The following UBASH3B variants were observed in gnomAD, a reference collection of about 807,000 sequenced individuals.
The protein encoded by UBASH3B is ubiquitin associated and SH3 domain containing B, also known as ubiquitin-associated and SH3 domain-containing protein B.
A neutral mutation model predicts 83.4 loss-of-function variants in UBASH3B; 37 were observed. The observed-to-expected ratio is 0.44, with a 90% CI of 0.34 to 0.58. The LOEUF (loss-of-function observed/expected upper bound fraction) is 0.58, where lower values mean the gene tolerates loss of function less well. UBASH3B is among the 20% of genes least tolerant of loss of function. The pLI, the probability that UBASH3B is intolerant of heterozygous loss-of-function variation, is 0.01. For synonymous variants in UBASH3B, 304 were observed against 318.3 expected (o/e 0.96, Z 0.48); for missense variants, 657 against 827.2 (o/e 0.79, Z 2.52).
chr11:122,777,151 TG>T lies in UBASH3B; in HGVS notation c.344del (p.Cys115SerfsTer63). 6.2e-7 allele frequency: 1 copy of T among 1,614,088 alleles called. No individual in the cohort carries two copies. Among genetic ancestry groups the T allele is most frequent in the South Asian group, 1.1e-5 (1 of 91,064 alleles). Reference protein sequence around the residue: ...SDFWQQSKQICGKNKAHNIFP... With the variant: ...SDFWQQSKQIXGKNKAHNIFP... ...CTTTTGGCAGCAGTCGAAGCAGATC[TG>T]CGGGAAGAACAAGGCACACAACATC... is the stretch of plus-strand genomic sequence containing the variant. On this transcript the variant is annotated frameshift_variant, in exon 3 of 14. Transcript: ENST00000284273. LOFTEE classifies it high-confidence loss of function.
intron 1 of UBASH3B, among the ~76,000 whole-genome samples, chr11:122,736,765 G>A (rs980163858): frequency 6.6e-6 from 1 of 152,016 alleles, no homozygotes; most frequent in Non-Finnish European, 1.5e-5. Flanking sequence ...TTAAGGATCG[G>A]GAAGCCAGGC....
intron 1 of UBASH3B, among the ~76,000 whole-genome samples, chr11:122,662,022 C>T (rs1023413249): frequency 5.3e-5 from 8 of 151,698 alleles, no homozygotes; most frequent in Non-Finnish European, 1.0e-4. Flanking sequence ...ATTCTCCTGC[C>T]TTAGCCTCCC....
At chr11:122,752,031 TAAAC>T (rs1440846689) in intron 1 of UBASH3B, among the ~76,000 whole-genome samples, 3 of 152,312 alleles carry the variant, frequency 2.0e-5, no homozygotes, top group African/African-American at 2.4e-5. Context: ...TTTAACTTAA[TAAAC>T]AAAAGGTATT....
Position 122,759,302 on chromosome 11 carries a change from C to T in UBASH3B, c.162-16917C>T, listed in dbSNP as rs1233803365. Among the ~76,000 whole-genome samples, 1 of 152,200 alleles carries T rather than the reference C, an allele frequency of 6.6e-6. No individual in the cohort carries two copies. Among genetic ancestry groups the T allele is most frequent in the Non-Finnish European group, 1.5e-5 (1 of 68,042 alleles). On this transcript the variant is annotated intron_variant, in intron 1 of 13. Transcript: ENST00000284273. The surrounding 1 kb of genome is among the most constrained non-coding windows in gnomAD (Gnocchi z 4.1). ...GGCAGTCCACAACATGCTGCTTCTC[C>T]TTGGCCAGCAGGAAAGCGAGTCATT...
At chr11:122,721,604 A>T (rs1479458211) in intron 1 of UBASH3B, among the ~76,000 whole-genome samples, 1 of 152,216 alleles carries the variant, frequency 6.6e-6, no homozygotes, top group African/African-American at 2.4e-5. Flanking sequence ...CTTAATCCAG[A>T]CTGCCTGTTC....
chr11:122,669,465 T>A (rs1350213417), intron 1 of UBASH3B, among the ~76,000 whole-genome samples: 1 of 152,172 alleles, frequency 6.6e-6, no homozygotes, highest in Non-Finnish European at 1.5e-5. Context: ...CTGAATCACA[T>A]CTGTAAAGTC....
chr11:122,705,439 C>A lies in UBASH3B; in HGVS notation c.161+49229C>A, dbSNP rs547386486. The stretch of plus-strand genomic sequence containing the variant: ...CCAGCCTGGGCGACAGAGCCAGACT[C>A]TGTCTCGAAAAACATAAAAAAAAAA... On this transcript the variant is annotated intron_variant, in intron 1 of 13. Transcript: ENST00000284273. Among the ~76,000 whole-genome samples the A allele has an allele frequency of 2.7e-5, 4 of 146,826 alleles. No homozygotes were observed. The South Asian group carries it at 8.6e-4, about 32-fold the overall frequency.
intron 1 of UBASH3B, among the ~76,000 whole-genome samples, chr11:122,715,701 G>A (rs939649077): frequency 2.6e-5 from 4 of 152,084 alleles, no homozygotes; most frequent in Non-Finnish European, 4.4e-5. Context: ...TCAAAACAGG[G>A]GATAATTAAA....
intron 1 of UBASH3B, among the ~76,000 whole-genome samples, chr11:122,671,442 G>A (rs1863592004): frequency 6.6e-6 from 1 of 150,718 alleles, no homozygotes. Flanking sequence ...ATACCCTCCT[G>A]GGACGTCAGG....
At chr11:122,734,800 A>T (rs189627337) in intron 1 of UBASH3B, among the ~76,000 whole-genome samples, 157 of 143,332 alleles carry the variant, frequency 1.1e-3, no homozygotes, top group Non-Finnish European at 1.7e-3. Flanking sequence ...GCTGTATCTT[A>T]AAAAAAAAAA....
intron 1 of UBASH3B, among the ~76,000 whole-genome samples, chr11:122,679,587 C>G (rs1328938063): frequency 1.3e-5 from 2 of 152,180 alleles, no homozygotes; most frequent in Admixed American, 1.3e-4. Context: ...ACACCTTGAT[C>G]TCTAGCAAGG....
At chr11:122,782,784 C>T in intron 4 of UBASH3B, 1 of 365,144 alleles carries the variant, frequency 2.7e-6, no homozygotes, top group South Asian at 5.1e-5. Context: ...GTGAGAAGGA[C>T]TTAACTAAAA....
chr11:122,694,954 C>CTTTCT (rs1863945047), intron 1 of UBASH3B, among the ~76,000 whole-genome samples: 2 of 50,414 alleles, frequency 4.0e-5, no homozygotes, highest in Non-Finnish European at 7.1e-5. Context: ...TCTTTTCTTT[C>CTTTCT]TTTTTTTTTT....
chr11:122,726,630 T>G (rs1033773973), intron 1 of UBASH3B, among the ~76,000 whole-genome samples: 4 of 152,230 alleles, frequency 2.6e-5, no homozygotes, highest in Admixed American at 1.3e-4. Flanking sequence ...CATGAGCCAC[T>G]GTGCCCAGCA....
intron 1 of UBASH3B, among the ~76,000 whole-genome samples, chr11:122,680,500 G>T (rs919877504): frequency 6.6e-6 from 1 of 152,160 alleles, no homozygotes; most frequent in African/African-American, 2.4e-5. Context: ...TTTCGCTCTT[G>T]TTGCCCAGGC....
chr11:122,780,065 G>A (rs553699652), intron 4 of UBASH3B, among the ~76,000 whole-genome samples: 1 of 152,218 alleles, frequency 6.6e-6, no homozygotes, highest in South Asian at 2.1e-4. Context: ...CGCCCATGTA[G>A]GTGTTTATCT....
chr11:122,696,402 C>T (rs1863966265), intron 1 of UBASH3B, among the ~76,000 whole-genome samples: 1 of 149,906 alleles, frequency 6.7e-6, no homozygotes, highest in South Asian at 2.1e-4. Flanking sequence ...CCTCTGCCTC[C>T]CGGGTTCAAG....
At chr11:122,658,275 A>G (rs952497805) in intron 1 of UBASH3B, among the ~76,000 whole-genome samples, 2 of 152,034 alleles carry the variant, frequency 1.3e-5, no homozygotes, top group Non-Finnish European at 2.9e-5. Flanking sequence ...TTTTTGAAAT[A>G]AGGCCAGCAT....
At chr11:122,753,081 C>T (rs552941812) in intron 1 of UBASH3B, among the ~76,000 whole-genome samples, 4 of 150,842 alleles carry the variant, frequency 2.7e-5, no homozygotes, top group Non-Finnish European at 5.9e-5. Context: ...TGGTAGCGCT[C>T]AGCCTAGGAA....
Sources: gnomAD v4.1 joint callset for allele counts (sites outside exome capture counted in the v4.1 genomes callset) on GRCh38, gnomAD v4.1.1 for gene constraint, Gnocchi (gnomAD v3.1) non-coding constraint, MANE v1.5 for transcripts, NCBI Gene and HGNC (gene_info 2026-07-23, HGNC 2026-07-21) for gene names.